Variants in NRG3 observed in about 807,000 individuals in gnomAD.
NRG3 encodes neuregulin 3.
NRG3 carries 31 observed loss-of-function variants against 66.9 expected under a neutral mutation model. The ratio of observed to expected loss-of-function variants is 0.46; its 90% CI spans 0.35 to 0.63. The LOEUF (loss-of-function observed/expected upper bound fraction) is 0.63. NRG3 is among the 20% of genes least tolerant of loss of function. The pLI is 0.00. For missense variants in NRG3, 910 were observed against 878.9 expected (o/e 1.04, Z -0.45); for synonymous variants, 393 against 359.4 (o/e 1.09, Z -1.06).
intron 2 of NRG3, among the ~76,000 whole-genome samples, chr10:82,686,408 C>T (rs368994512): frequency 6.6e-6 from 1 of 151,890 alleles, no homozygotes; most frequent in African/African-American, 2.4e-5. Flanking sequence ...GGCTGGTCTT[C>T]AACTCCTGAC....
intron 1 of NRG3, among the ~76,000 whole-genome samples, chr10:82,330,370 T>G (rs1001298931): frequency 3.8e-4 from 54 of 141,248 alleles, no homozygotes; most frequent in Admixed American, 7.9e-4. Context: ...ACATAATATG[T>G]TTTTCTCTCT....
At position 82,368,113 on chromosome 10, in the gene NRG3, A is replaced by G. The variant is rs1189301396; in HGVS notation, c.953+9245A>G. Among the ~76,000 whole-genome samples the G allele has an allele frequency of 1.9e-5, 2 of 104,910 alleles. 1 individual carries two copies. Among genetic ancestry groups the G allele is most frequent in the African/African-American group, 1.7e-4 (2 of 11,740 alleles). 68.8% of individuals were successfully genotyped at this position (104,910 alleles called of 152,430 possible). A position where few individuals can be genotyped will look rare whatever the true frequency, so the allele number is the denominator to read the frequency against. On this transcript the variant is annotated intron_variant, in intron 2 of 8. Coordinates refer to ENST00000372141, the MANE Select transcript of NRG3 (RefSeq NM_001010848.4). ...TATTACTACTTCCCAGGATTATTTG[A>G]GGCTTGATATAGGTAAAGTTGAGAT... is the stretch of plus-strand genomic sequence containing the variant.
intron 1 of NRG3, among the ~76,000 whole-genome samples, chr10:81,930,825 C>T (rs1164699398): frequency 2.0e-5 from 3 of 152,240 alleles, no homozygotes; most frequent in African/African-American, 7.2e-5. Context: ...GTAGCTCCTC[C>T]CAGCGTAGAG....
Position 82,697,921 on chromosome 10 carries a change from C to T in NRG3, c.954-40656C>T, listed in dbSNP as rs144951046. ...GATTTTTGAGGCTGTGACAGTCCCG[C>T]TCTGAGTGGGTTGCAGGTGAAGCAC... On this transcript the variant is annotated intron_variant, in intron 2 of 8. Coordinates refer to ENST00000372141, the MANE Select transcript of NRG3 (RefSeq NM_001010848.4). Among the ~76,000 whole-genome samples the T allele has an allele frequency of 2.4e-3, 363 of 152,176 alleles. 3 individuals carry two copies. The highest frequency in any genetic ancestry group is 0.01 in the Middle Eastern group (3 of 294).
intron 1 of NRG3, among the ~76,000 whole-genome samples, chr10:82,125,951 A>G (rs1472794074): frequency 2.0e-5 from 3 of 152,054 alleles, no homozygotes; most frequent in African/African-American, 7.2e-5. Context: ...TATTTTTTCA[A>G]AAGGCCTGTA....
At chr10:82,237,415 ATTC>A (rs1403763543) in intron 1 of NRG3, among the ~76,000 whole-genome samples, 1 of 152,134 alleles carries the variant, frequency 6.6e-6, no homozygotes, top group Non-Finnish European at 1.5e-5. Context: ...TTTCCTGCTT[ATTC>A]TTACAACAAT....
intron 1 of NRG3, among the ~76,000 whole-genome samples, chr10:82,254,994 A>T (rs1333799416): frequency 2.0e-5 from 3 of 152,212 alleles, no homozygotes; most frequent in African/African-American, 7.2e-5. Context: ...GTACACAGGG[A>T]AAGAAGGAAC....
At chr10:82,352,074 A>T (rs190234196) in intron 1 of NRG3, among the ~76,000 whole-genome samples, 3 of 152,210 alleles carry the variant, frequency 2.0e-5, no homozygotes, top group African/African-American at 7.2e-5. Flanking sequence ...CTCATCTACA[A>T]TAGTTAAAAG....
intron 1 of NRG3, among the ~76,000 whole-genome samples, chr10:82,216,848 G>A (rs2075715598): frequency 6.6e-6 from 1 of 151,970 alleles, no homozygotes; most frequent in African/African-American, 2.4e-5. Flanking sequence ...AGCAAGTATA[G>A]CGAGTTAATG....
intron 1 of NRG3, among the ~76,000 whole-genome samples, chr10:82,168,282 T>C (rs2072264970): frequency 6.6e-6 from 1 of 152,094 alleles, no homozygotes; most frequent in Non-Finnish European, 1.5e-5. Context: ...ATTCCAAGGC[T>C]CTCCGTGGGT....
chr10:82,227,327 T>C (rs999672905), intron 1 of NRG3, among the ~76,000 whole-genome samples: 4 of 152,176 alleles, frequency 2.6e-5, no homozygotes, highest in African/African-American at 9.7e-5. Flanking sequence ...TAGAGTCTCA[T>C]TGCAGGAATA....
intron 1 of NRG3, among the ~76,000 whole-genome samples, chr10:82,060,218 G>C (rs533399336): frequency 6.6e-6 from 1 of 152,206 alleles, no homozygotes; most frequent in Non-Finnish European, 1.5e-5. Flanking sequence ...ATGAAGGCAT[G>C]AGCATTTCCT....
intron 2 of NRG3, among the ~76,000 whole-genome samples, chr10:82,469,245 G>GCTT (rs1840994739): frequency 6.6e-6 from 1 of 151,880 alleles, no homozygotes; most frequent in South Asian, 2.1e-4. Context: ...ATTTCCCCCT[G>GCTT]CTTCTTTTCC....
rs144842266 is a variant in NRG3 at position 82,137,848 on chromosome 10, C to T, written c.824-220891C>T. On this transcript the variant is annotated intron_variant, in intron 1 of 8. Coordinates refer to ENST00000372141, the MANE Select transcript of NRG3 (RefSeq NM_001010848.4). Reference sequence around the variant, plus strand: ...TAATCCAGGGGATTTAAGTTAAATACCCCAGAATCTATTTCACTCTAAAAC... The same window carrying T: ...TAATCCAGGGGATTTAAGTTAAATATCCCAGAATCTATTTCACTCTAAAAC... 4.6e-5 allele frequency among the ~76,000 whole-genome samples: 7 copies of T among 152,210 alleles called. No individual in the cohort carries two copies. The East Asian group carries it at 1.2e-3, about 25-fold the overall frequency.
chr10:82,406,429 G>C (rs1258786043), intron 2 of NRG3, among the ~76,000 whole-genome samples: 1 of 152,102 alleles, frequency 6.6e-6, no homozygotes, highest in Non-Finnish European at 1.5e-5. Flanking sequence ...GACTGGCCTG[G>C]GAAAGTTAAA....
chr10:82,430,433 A>G lies in NRG3; in HGVS notation c.953+71565A>G, dbSNP rs150655404. 8.7e-3 allele frequency among the ~76,000 whole-genome samples: 1,316 copies of G among 151,668 alleles called. 19 individuals are homozygous for G. The highest frequency in any genetic ancestry group is 0.03 in the African/African-American group (1,240 of 41,354). ...CCACCATGCCTGGCTAATTTTTTCT[A>G]TTTTTAGTAGAGATGGGGTTTCACC... is the stretch of plus-strand genomic sequence containing the variant. On this transcript the variant is annotated intron_variant, in intron 2 of 8. Transcript: ENST00000372141.
At chr10:82,635,704 A>C (rs1040877319) in intron 2 of NRG3, among the ~76,000 whole-genome samples, 1 of 152,184 alleles carries the variant, frequency 6.6e-6, no homozygotes, top group Admixed American at 6.5e-5. Context: ...GTGCACCAAC[A>C]TAAACAATAC....
intron 2 of NRG3, among the ~76,000 whole-genome samples, chr10:82,414,617 G>A (rs997178753): frequency 2.6e-5 from 4 of 152,128 alleles, no homozygotes; most frequent in Non-Finnish European, 1.5e-5. Context: ...TTGCAATCAA[G>A]TGAAGCACAA....
chr10:82,655,200 T>C (rs1467078973), intron 2 of NRG3, among the ~76,000 whole-genome samples: 1 of 152,076 alleles, frequency 6.6e-6, no homozygotes, highest in Non-Finnish European at 1.5e-5. Context: ...ATTTGTATAC[T>C]TTCTTAATGA....
Sources: allele counts gnomAD v4.1 joint callset (sites outside exome capture counted in the v4.1 genomes callset), GRCh38; gene constraint gnomAD v4.1.1; transcripts MANE v1.5; gene names NCBI Gene and HGNC (gene_info 2026-07-23, HGNC 2026-07-21).